Variants in PAK5 observed in about 807,000 individuals in gnomAD.
PAK5 encodes p21 (RAC1) activated kinase 5.
PAK5 carries 16 observed loss-of-function variants against 65.9 expected under a neutral mutation model. That is an observed-to-expected ratio of 0.24 (90% CI 0.16 to 0.37). PAK5 has a LOEUF of 0.37. Among genes scored for constraint, PAK5 ranks in the 10% least tolerant of loss-of-function variants. The pLI is 1.00. For synonymous variants in PAK5, 371 were observed against 354.9 expected (o/e 1.05, Z -0.51); for missense variants, 785 against 903.9 (o/e 0.87, Z 1.69).
At chr20:9,758,142 CAA>C (rs542335768) in intron 1 of PAK5, among the ~76,000 whole-genome samples, 1 of 152,146 alleles carries the variant, frequency 6.6e-6, no homozygotes, top group Non-Finnish European at 1.5e-5. Flanking sequence ...TCTGGGGCAA[CAA>C]AGAATTGTGT....
At chr20:9,741,426 C>A (rs981997579) in intron 1 of PAK5, among the ~76,000 whole-genome samples, 1 of 152,088 alleles carries the variant, frequency 6.6e-6, no homozygotes, top group Non-Finnish European at 1.5e-5. Context: ...GTATGTCTAG[C>A]ACGGTTAGCA....
chr20:9,822,811 A>C (rs116619763), intron 1 of PAK5, among the ~76,000 whole-genome samples: 1,864 of 152,340 alleles, frequency 0.012, 29 homozygotes, highest in African/African-American at 0.043. Context: ...AGAGAAACTA[A>C]CATTCTCTGG....
intron 2 of PAK5, among the ~76,000 whole-genome samples, chr20:9,702,414 G>A (rs1874672265): frequency 6.6e-6 from 1 of 152,116 alleles, no homozygotes; most frequent in African/African-American, 2.4e-5. Flanking sequence ...GTCACCCAGA[G>A]CCCCAGATGA....
At chr20:9,818,085 C>T (rs2049378678) in intron 1 of PAK5, among the ~76,000 whole-genome samples, 1 of 152,244 alleles carries the variant, frequency 6.6e-6, no homozygotes, top group Non-Finnish European at 1.5e-5. Context: ...CCCTTGGTAT[C>T]TGTTCACTTC....
At chr20:9,687,098 T>C (rs1454288048) in intron 2 of PAK5, among the ~76,000 whole-genome samples, 1 of 152,178 alleles carries the variant, frequency 6.6e-6, no homozygotes, top group Non-Finnish European at 1.5e-5. Context: ...ACTGTGTTAG[T>C]TCACTGAAAC....
At chr20:9,751,786 T>C (rs1286134963) in intron 1 of PAK5, among the ~76,000 whole-genome samples, 1 of 152,140 alleles carries the variant, frequency 6.6e-6, no homozygotes, top group Admixed American at 6.6e-5. Flanking sequence ...CTGGGTATGT[T>C]GCTATGAAAA....
intron 1 of PAK5, among the ~76,000 whole-genome samples, chr20:9,785,841 G>T (rs935722390): frequency 6.6e-6 from 1 of 152,160 alleles, no homozygotes; most frequent in Non-Finnish European, 1.5e-5. Context: ...GTCTGTAGAT[G>T]ATGTCAAAAT....
At chr20:9,559,011 C>A (rs2045554702) in intron 6 of PAK5, among the ~76,000 whole-genome samples, 2 of 152,156 alleles carry the variant, frequency 1.3e-5, no homozygotes, top group South Asian at 4.1e-4. Context: ...TTCCCACTTT[C>A]CCATTTTCCC....
At chr20:9,716,151 AAAAAATT>A (rs1198775731) in intron 1 of PAK5, among the ~76,000 whole-genome samples, 4 of 22,414 alleles carry the variant, frequency 1.8e-4, no homozygotes, top group African/African-American at 5.1e-4. Flanking sequence ...AATAAAAAAA[AAAAAATT>A]AAAAAAAAAA....
At chr20:9,588,162 A>T (rs1159433144) in intron 3 of PAK5, among the ~76,000 whole-genome samples, 2 of 152,182 alleles carry the variant, frequency 1.3e-5, no homozygotes, top group East Asian at 3.9e-4. Flanking sequence ...TTGATGAACA[A>T]AATCCGAACA....
chr20:9,658,701 A>G (rs796774216), intron 2 of PAK5, among the ~76,000 whole-genome samples: 163 of 152,296 alleles, frequency 1.1e-3, no homozygotes, highest in African/African-American at 3.5e-3. Context: ...AAAAGGGTAA[A>G]CAAACCCTGA....
intron 1 of PAK5, among the ~76,000 whole-genome samples, chr20:9,735,393 T>C (rs1252589244): frequency 6.6e-6 from 1 of 152,128 alleles, no homozygotes; most frequent in African/African-American, 2.4e-5. Context: ...AATTCAAGCA[T>C]GTGAGGAAAC....
At chr20:9,560,215 G>A (rs755276792) in intron 6 of PAK5, among the ~76,000 whole-genome samples, 40 of 152,186 alleles carry the variant, frequency 2.6e-4, no homozygotes, top group Middle Eastern at 3.2e-3. Context: ...AGCATGGCCA[G>A]CTGGAGAATC....
intron 3 of PAK5, among the ~76,000 whole-genome samples, chr20:9,595,358 T>C (rs1473456227): frequency 6.6e-6 from 1 of 152,108 alleles, no homozygotes; most frequent in African/African-American, 2.4e-5. Context: ...CAAGTTTAAG[T>C]CCAGAATGCA....
chr20:9,642,165 A>G (rs2047078077), intron 3 of PAK5, among the ~76,000 whole-genome samples: 1 of 152,226 alleles, frequency 6.6e-6, no homozygotes, highest in Admixed American at 6.5e-5. Context: ...CTTTGGGTAT[A>G]TACCCAGTAA....
At chr20:9,788,233 A>G (rs2049014031) in intron 1 of PAK5, among the ~76,000 whole-genome samples, 1 of 152,108 alleles carries the variant, frequency 6.6e-6, no homozygotes, top group Non-Finnish European at 1.5e-5. Context: ...CAACCAGGGA[A>G]GCACAGCAAA....
chr20:9,759,574 C>G (rs534932846), intron 1 of PAK5, among the ~76,000 whole-genome samples: 95 of 152,268 alleles, frequency 6.2e-4, no homozygotes, highest in Non-Finnish European at 1.3e-3. Context: ...GCATCTCTAT[C>G]AAGCTCCCAG....
At chr20:9,595,983 T>C (rs1168609108) in intron 3 of PAK5, among the ~76,000 whole-genome samples, 2 of 152,246 alleles carry the variant, frequency 1.3e-5, no homozygotes, top group African/African-American at 4.8e-5. Context: ...CTTCTGTCTC[T>C]TCTTCCTTCC....
At chr20:9,791,087 C>T (rs976352196) in intron 1 of PAK5, among the ~76,000 whole-genome samples, 25 of 152,118 alleles carry the variant, frequency 1.6e-4, no homozygotes, top group African/African-American at 3.9e-4. Context: ...CAATATTCAG[C>T]GTCATTTCTC....
Sources: allele counts gnomAD v4.1 joint callset (sites outside exome capture counted in the v4.1 genomes callset), GRCh38; gene constraint gnomAD v4.1.1; transcripts MANE v1.5; gene names NCBI Gene and HGNC (gene_info 2026-07-23, HGNC 2026-07-21).